The following AMIGO3 variants were observed in gnomAD, a reference collection of about 807,000 sequenced individuals.
AMIGO3 encodes amphoterin-induced protein 3.
Under a neutral mutation model 4.3 loss-of-function variants are expected in AMIGO3, and 6 were observed. That is an observed-to-expected ratio of 1.39 (90% confidence interval 0.76 to 2.75). AMIGO3 has a LOEUF of 2.75. Ranked by LOEUF, AMIGO3 falls within the 30% of genes most tolerant of loss-of-function variation. The pLI is 0.00. For missense variants in AMIGO3, 771 were observed against 692.1 expected (o/e 1.11, Z -1.28); for synonymous variants, 315 against 320.0 (o/e 0.98, Z 0.17).
Position 49,719,355 on chromosome 3 carries a change from T to G in AMIGO3, c.111A>C (p.Lys37Asn). Residue 37 changes from lysine (K) to asparagine (N), a missense_variant, in exon 1 of 1, where the codon AAA becomes AAC. Lys to Asn is a moderately conservative substitution (Grantham distance 94). Coordinates refer to ENST00000320431, the MANE Select transcript of AMIGO3 (RefSeq NM_198722.3). Reference sequence around the variant, plus strand: ...TTAGCAGGTCGGCAGCGCAGATACATTTGTAGGGGCAGTTGTGGAGCGCAC... The same window carrying G: ...TTAGCAGGTCGGCAGCGCAGATACAGTTGTAGGGGCAGTTGTGGAGCGCAC... ...PPRALHNCPY[K>N]CICAADLLSC... 7 of 1,613,444 alleles carry G rather than the reference T, an allele frequency of 4.3e-6. No homozygotes were observed. Among genetic ancestry groups the G allele is most frequent in the Non-Finnish European group, 5.9e-6 (7 of 1,180,014 alleles).
At position 49,719,355 on chromosome 3, in the gene AMIGO3, T is replaced by C; in HGVS notation, c.111A>G (p.Lys37=). 6.2e-7 allele frequency: 1 copy of C among 1,613,444 alleles called. No homozygotes were observed. The change falls in exon 1 of 1, where the codon AAA becomes AAG. Residue 37 remains lysine (K), a synonymous_variant. Coordinates refer to ENST00000320431, the MANE Select transcript of AMIGO3 (RefSeq NM_198722.3). The part of the protein sequence containing the change: ...PPRALHNCPY[K]CICAADLLSC... ...TTAGCAGGTCGGCAGCGCAGATACATTTGTAGGGGCAGTTGTGGAGCGCAC... is the reference window on the plus strand; with the variant it reads ...TTAGCAGGTCGGCAGCGCAGATACACTTGTAGGGGCAGTTGTGGAGCGCAC...
chr3:49,718,731 A>G lies in AMIGO3; in HGVS notation c.735T>C (p.Phe245=). ...HQRGLSAVRD[F]AREYVCLAFK... Reference sequence around the variant, plus strand: ...AGGCCAAGCATACGTACTCGCGCGCAAAGTCGCGCACGGCGCTCAGGCCCC... The same window carrying G: ...AGGCCAAGCATACGTACTCGCGCGCGAAGTCGCGCACGGCGCTCAGGCCCC... Residue 245 remains phenylalanine (F), a synonymous_variant, in exon 1 of 1, where the codon TTT becomes TTC. Coordinates refer to ENST00000320431, the MANE Select transcript of AMIGO3 (RefSeq NM_198722.3). 11 of 1,613,038 alleles carry G rather than the reference A, an allele frequency of 6.8e-6. No homozygotes were observed. The highest frequency in any genetic ancestry group is 8.5e-6 in the Non-Finnish European group (10 of 1,179,952).
rs568793567 is a variant in AMIGO3, at chr3:49,717,287, C to A, written c.*664G>T. On this transcript the variant is annotated 3_prime_UTR_variant, in exon 1 of 1. Coordinates refer to ENST00000320431, the MANE Select transcript of AMIGO3 (RefSeq NM_198722.3). ...AGACCACCAGGAACCTCTTGAGGAGCCTTTCCTGCCTGGTGCCTGCCCACC... is the reference window on the plus strand; with the variant it reads ...AGACCACCAGGAACCTCTTGAGGAGACTTTCCTGCCTGGTGCCTGCCCACC... The A allele has an allele frequency of 1.3e-5, 2 of 155,848 alleles. No individual in the cohort carries two copies. Among genetic ancestry groups the A allele is most frequent in the African/African-American group, 4.8e-5 (2 of 41,470 alleles). The allele number at this position is 155,848 out of a possible 1,614,324, so 9.7% of individuals were successfully genotyped here.
Position 49,718,813 on chromosome 3 carries a change from T to G in AMIGO3, c.653A>C (p.Asn218Thr). 2 of 1,613,304 alleles carry G rather than the reference T, an allele frequency of 1.2e-6. No individual in the cohort carries two copies. The highest frequency in any genetic ancestry group is 1.7e-6 in the Non-Finnish European group (2 of 1,180,030). ...AFLKNGLYLH[N>T]NPLPCDCRLY... Reference sequence around the variant, plus strand: ...GCGGCAGTCGCAAGGCAAAGGGTTGTTGTGCAAGTAGAGGCCGTTCTTGAG... The same window carrying G: ...GCGGCAGTCGCAAGGCAAAGGGTTGGTGTGCAAGTAGAGGCCGTTCTTGAG... The change falls in exon 1 of 1, where the codon AAC becomes ACC. Residue 218 changes from asparagine (N) to threonine (T), a missense_variant. Coordinates refer to ENST00000320431, the MANE Select transcript of AMIGO3 (RefSeq NM_198722.3).
In AMIGO3 at chr3:49,717,722, C is replaced by T; in HGVS notation, c.*229G>A. 5.0e-6 allele frequency: 3 copies of T among 602,604 alleles called. No individual in the cohort carries two copies. Among genetic ancestry groups the T allele is most frequent in the Admixed American group, 3.0e-5 (1 of 33,402 alleles). The allele number at this position is 602,604 out of a possible 1,614,324, so 37.3% of individuals were successfully genotyped here. On this transcript the variant is annotated 3_prime_UTR_variant, in exon 1 of 1. Transcript: ENST00000320431. Reference sequence around the variant, plus strand: ...GCAGGAACTAGCACACCTTGCAGGGCCTGGGGCCTTTGGGTCCTGTGCAGG... The same window carrying T: ...GCAGGAACTAGCACACCTTGCAGGGTCTGGGGCCTTTGGGTCCTGTGCAGG...
At position 49,718,630 on chromosome 3, in the gene AMIGO3, A is replaced by C. The variant is rs911406185; in HGVS notation, c.836T>G (p.Leu279Arg). The change falls in exon 1 of 1, where the codon CTT becomes CGT. Residue 279 changes from leucine to arginine, a missense_variant. Leu to Arg is a moderately radical substitution (Grantham distance 102). Transcript: ENST00000320431. The part of the protein sequence containing the change: ...VFENCSSAPA[L>R]GLERPEEHLY... ...GTGCTCTTCCGGCCGCTCTAGGCCA[A>C]GAGCTGGGGCCGACGAGCAGTTCTC... 1 of 1,612,894 alleles carries C rather than the reference A, an allele frequency of 6.2e-7. No homozygotes were observed. Among genetic ancestry groups the C allele is most frequent in the Non-Finnish European group, 8.5e-7 (1 of 1,179,956 alleles).
Position 49,718,510 on chromosome 3 carries a change from A to C in AMIGO3, c.956T>G (p.Leu319Arg). 1 of 1,613,124 alleles carries C rather than the reference A, an allele frequency of 6.2e-7. No homozygotes were observed. Among genetic ancestry groups the C allele is most frequent in the African/African-American group, 1.3e-5 (1 of 75,042 alleles). Residue 319 changes from leucine to arginine, a missense_variant, in exon 1 of 1, where the codon CTC becomes CGC. Coordinates refer to ENST00000320431, the MANE Select transcript of AMIGO3 (RefSeq NM_198722.3). ...GCCATCGCGGGATCCTGGCGCCCTG[A>C]GAAGCTCCTGCTGCGGCGAAACCCA... ...IAWVSPQQEL[L>R]RAPGSRDGSI...
rs1392130052 is a variant in AMIGO3, at chr3:49,718,536, G to A, written c.930C>T (p.Ala310=). The change falls in exon 1 of 1, where the codon GCC becomes GCT. Residue 310 remains alanine (A), a synonymous_variant. Transcript: ENST00000320431. The part of the protein sequence containing the change: ...CNTSVPAMRI[A]WVSPQQELLR... ...GAAGCTCCTGCTGCGGCGAAACCCA[G>A]GCAATGCGCATGGCCGGGACGCTGG... 2 of 1,613,208 alleles carry A rather than the reference G, an allele frequency of 1.2e-6. No homozygotes were observed. The highest frequency in any genetic ancestry group is 1.7e-6 in the Non-Finnish European group (2 of 1,179,966).
Position 49,717,184 on chromosome 3 carries a change from A to C in AMIGO3, c.*767T>G, listed in dbSNP as rs1411216466. 6.5e-6 allele frequency: 1 copy of C among 153,208 alleles called. No homozygotes were observed. The highest frequency in any genetic ancestry group is 2.4e-5 in the African/African-American group (1 of 41,478). 9.5% of individuals were successfully genotyped at this position (153,208 alleles called of 1,614,324 possible). On this transcript the variant is annotated 3_prime_UTR_variant, in exon 1 of 1. Transcript: ENST00000320431. ...CCTTCACTGTGTCTTGTGAGCCCAC[A>C]GAATGGGCTCTGCCTTCAGAACAAC...
At position 49,718,686 on chromosome 3, in the gene AMIGO3, G is replaced by A. The variant is rs775612321; in HGVS notation, c.780C>T (p.Arg260=). The change falls in exon 1 of 1, where the codon CGC becomes CGT. Residue 260 remains arginine (R), a synonymous_variant. Transcript: ENST00000320431. ...VCLAFKVPAS[R]VRFFQHSRVF... is the part of the protein sequence containing the mutation. ...CGCGGCTGTGCTGGAAGAAGCGCAC[G>A]CGGGACGCGGGTACCTTGAAGGCCA... 6.2e-7 allele frequency: 1 copy of A among 1,612,954 alleles called. No individual in the cohort carries two copies. Among genetic ancestry groups the A allele is most frequent in the South Asian group, 1.1e-5 (1 of 91,076 alleles).
Position 49,718,186 on chromosome 3 carries a change from T to A in AMIGO3, c.1280A>T (p.Gln427Leu), listed in dbSNP as rs2080288717. ...RRWPQTPSPL[Q>L]ELSAQSSVLS... ...TACTGAGGACTGTGCGCTCAGCTCT[T>A]GGAGCGGGCTGGGTGTTTGGGGCCA... The change falls in exon 1 of 1, where the codon CAA becomes CTA. Residue 427 changes from glutamine (Q) to leucine (L), a missense_variant. Transcript: ENST00000320431. 2.5e-6 allele frequency: 4 copies of A among 1,612,884 alleles called. No individual in the cohort carries two copies. The highest frequency in any genetic ancestry group is 3.4e-6 in the Non-Finnish European group (4 of 1,179,932).
rs144519280 is a variant in AMIGO3 at position 49,718,191 on chromosome 3, C to A, written c.1275G>T (p.Pro425=). ...RCRRWPQTPS[P]LQELSAQSSV... ...AGGACTGTGCGCTCAGCTCTTGGAG[C>A]GGGCTGGGTGTTTGGGGCCAGCGGC... The change falls in exon 1 of 1, where the codon CCG becomes CCT. Residue 425 remains proline, a synonymous_variant. Transcript: ENST00000320431. 4 of 1,612,914 alleles carry A rather than the reference C, an allele frequency of 2.5e-6. No individual in the cohort carries two copies. The African/African-American group carries it at 4.0e-5, about 16-fold the overall frequency.
chr3:49,717,727 G>A lies in AMIGO3; in HGVS notation c.*224C>T, dbSNP rs1383200667. The stretch of plus-strand genomic sequence containing the variant: ...AACTAGCACACCTTGCAGGGCCTGG[G>A]GCCTTTGGGTCCTGTGCAGGGGCAG... On this transcript the variant is annotated 3_prime_UTR_variant, in exon 1 of 1. Coordinates refer to ENST00000320431, the MANE Select transcript of AMIGO3 (RefSeq NM_198722.3). The A allele has an allele frequency of 9.9e-6, 6 of 605,814 alleles. No individual in the cohort carries two copies. Among genetic ancestry groups the A allele is most frequent in the Admixed American group, 9.0e-5 (3 of 33,396 alleles). 37.5% of individuals were successfully genotyped at this position (605,814 alleles called of 1,614,324 possible).
At position 49,716,837 on chromosome 3, in the gene AMIGO3, A is replaced by G; in HGVS notation, c.*1114T>C. On this transcript the variant is annotated 3_prime_UTR_variant, in exon 1 of 1. Coordinates refer to ENST00000320431, the MANE Select transcript of AMIGO3 (RefSeq NM_198722.3). ...CACACGGAGGACCGCCATTGTCTGC[A>G]AAGGCTCTAGCAATAAGCATGTGCT... The G allele has an allele frequency of 4.3e-6, 1 of 230,516 alleles. No homozygotes were observed. The highest frequency in any genetic ancestry group is 8.7e-6 in the Non-Finnish European group (1 of 115,230). 14.3% of individuals were successfully genotyped at this position (230,516 alleles called of 1,614,324 possible). A position where few individuals can be genotyped will look rare whatever the true frequency, so the allele number is the denominator to read the frequency against.
rs1238041313 is a variant in AMIGO3, at chr3:49,719,372, G to A, written c.94C>T (p.His32Tyr). The A allele has an allele frequency of 2.5e-6, 4 of 1,613,510 alleles. No individual in the cohort carries two copies. Among genetic ancestry groups the A allele is most frequent in the African/African-American group, 2.7e-5 (2 of 74,942 alleles). Residue 32 changes from histidine (H) to tyrosine (Y), a missense_variant, in exon 1 of 1, where the codon CAC (histidine) becomes TAC (tyrosine). Transcript: ENST00000320431. ...CAGATACATTTGTAGGGGCAGTTGT[G>A]GAGCGCACGGGGCGGGAAACCCTCG... ...DSEGFPPRALHNCPYKCICAA... is the reference protein window; with the variant it reads ...DSEGFPPRALYNCPYKCICAA...
Position 49,719,377 on chromosome 3 carries a change from G to A in AMIGO3, c.89C>T (p.Ala30Val), listed in dbSNP as rs780229420. 3 of 1,613,612 alleles carry A rather than the reference G, an allele frequency of 1.9e-6. No individual in the cohort carries two copies. The highest frequency in any genetic ancestry group is 2.5e-6 in the Non-Finnish European group (3 of 1,180,042). ...ACATTTGTAGGGGCAGTTGTGGAGCGCACGGGGCGGGAAACCCTCGGAGTC... is the reference window on the plus strand; with the variant it reads ...ACATTTGTAGGGGCAGTTGTGGAGCACACGGGGCGGGAAACCCTCGGAGTC... ...TPDSEGFPPRALHNCPYKCIC... is the reference protein window; with the variant it reads ...TPDSEGFPPRVLHNCPYKCIC... Residue 30 changes from alanine (A) to valine (V), a missense_variant, in exon 1 of 1, where the codon GCG (alanine) becomes GTG (valine). Transcript: ENST00000320431.
Position 49,718,785 on chromosome 3 carries a change from G to A in AMIGO3, c.681C>T (p.Leu227=). The part of the protein sequence containing the change: ...HNNPLPCDCR[L]YHLLQRWHQR... ...GGTGCCAGCGCTGTAGCAGGTGGTA[G>A]AGGCGGCAGTCGCAAGGCAAAGGGT... is the stretch of plus-strand genomic sequence containing the variant. The change falls in exon 1 of 1, where the codon CTC becomes CTT. Residue 227 remains leucine, a synonymous_variant. Coordinates refer to ENST00000320431, the MANE Select transcript of AMIGO3 (RefSeq NM_198722.3). 1 of 1,613,252 alleles carries A rather than the reference G, an allele frequency of 6.2e-7. No individual in the cohort carries two copies. Among genetic ancestry groups the A allele is most frequent in the African/African-American group, 1.3e-5 (1 of 75,082 alleles).
In AMIGO3 at chr3:49,718,681, C is replaced by A; in HGVS notation, c.785G>T (p.Arg262Leu). The change falls in exon 1 of 1, where the codon CGC becomes CTC. Residue 262 changes from arginine to leucine, a missense_variant. Coordinates refer to ENST00000320431, the MANE Select transcript of AMIGO3 (RefSeq NM_198722.3). ...AAAGACGCGGCTGTGCTGGAAGAAG[C>A]GCACGCGGGACGCGGGTACCTTGAA... ...LAFKVPASRV[R>L]FFQHSRVFEN... 1 of 1,612,984 alleles carries A rather than the reference C, an allele frequency of 6.2e-7. No individual in the cohort carries two copies. The highest frequency in any genetic ancestry group is 8.5e-7 in the Non-Finnish European group (1 of 1,179,920).
In AMIGO3 at chr3:49,717,970, T is replaced by A; in HGVS notation, c.1496A>T (p.Glu499Val). 1 of 1,613,148 alleles carries A rather than the reference T, an allele frequency of 6.2e-7. No individual in the cohort carries two copies. Among genetic ancestry groups the A allele is most frequent in the South Asian group, 1.1e-5 (1 of 91,066 alleles). The change falls in exon 1 of 1, where the codon GAG (glutamate) becomes GTG (valine). Residue 499 changes from glutamate (E) to valine (V), a missense_variant. Glu to Val is a moderately radical substitution (Grantham distance 121, BLOSUM62 -2). Coordinates refer to ENST00000320431, the MANE Select transcript of AMIGO3 (RefSeq NM_198722.3). ...GSESASSIGSEGPMTT is the reference protein window; with the variant it reads ...GSESASSIGSVGPMTT ...GGCAGTCTAGGTTGTCATGGGACCC[T>A]CGGAGCCTATGGAGCTGGCGGACTC...
Sources: gnomAD v4.1 joint callset for allele counts on GRCh38, gnomAD v4.1.1 for gene constraint, MANE v1.5 for transcripts, NCBI Gene and HGNC (gene_info 2026-07-23, HGNC 2026-07-21) for gene names.